The following IL21R variants were observed in gnomAD, a reference collection of about 807,000 sequenced individuals.
IL21R encodes the protein interleukin 21 receptor, also known as interleukin-21 receptor.
In IL21R, 14 loss-of-function variants were observed where a neutral mutation model predicts 41.3. The ratio of observed to expected loss-of-function variants is 0.34; its 90% CI spans 0.22 to 0.53. The LOEUF (loss-of-function observed/expected upper bound fraction) is 0.53. IL21R is among the 20% of genes least tolerant of loss of function. The pLI, the probability that IL21R is intolerant of heterozygous loss-of-function variation, is 0.94. For synonymous variants in IL21R, 286 were observed against 287.6 expected, an observed-to-expected ratio of 0.99 and a Z score of 0.05; for missense variants, 588 against 681.6, an observed-to-expected ratio of 0.86 and a Z score of 1.53.
intron 4 of IL21R, among the ~76,000 whole-genome samples, chr16:27,440,126 G>A (rs2087354012): frequency 6.6e-6 from 1 of 151,498 alleles, no homozygotes; most frequent in Non-Finnish European, 1.5e-5. Flanking sequence ...TGTCACCTCG[G>A]GGCGTGGTGG....
chr16:27,441,228 C>T (rs183465956), intron 4 of IL21R, among the ~76,000 whole-genome samples: 12 of 152,332 alleles, frequency 7.9e-5, no homozygotes, highest in Non-Finnish European at 1.6e-4. Flanking sequence ...GAAGTTACTG[C>T]CTTCTGCTAA....
At chr16:27,412,402 C>T (rs758546596) in intron 1 of IL21R, among the ~76,000 whole-genome samples, 11 of 150,748 alleles carry the variant, frequency 7.3e-5, no homozygotes, top group Admixed American at 2.6e-4. Context: ...TCTCCTTCTC[C>T]TTCTCCTTCT....
intron 3 of IL21R, among the ~76,000 whole-genome samples, chr16:27,434,772 T>C (rs1175373450): frequency 6.6e-6 from 1 of 152,062 alleles, no homozygotes; most frequent in Non-Finnish European, 1.5e-5. Context: ...TCACAATGAT[T>C]ACTCCCATTT....
In IL21R at chr16:27,446,044, C is replaced by A. The variant is rs200379224; in HGVS notation, c.823C>A (p.Arg275=). Residue 275 remains arginine, a synonymous_variant, in exon 8 of 9, where the codon CGG becomes AGG. Transcript: ENST00000337929. ...KKIWAVPSPE[R]FFMPLYKGCS... ...GATATGGGCCGTCCCCAGCCCTGAG[C>A]GGTTCTTCATGCCCCTGTACAAGGG... The A allele has an allele frequency of 6.2e-6, 10 of 1,613,688 alleles. No individual in the cohort carries two copies. Among genetic ancestry groups the A allele is most frequent in the Non-Finnish European group, 8.5e-6 (10 of 1,179,868 alleles).
chr16:27,448,524 T>C lies in IL21R; in HGVS notation c.868-10T>C. The C allele has an allele frequency of 6.3e-7, 1 of 1,581,886 alleles. No homozygotes were observed. The highest frequency in any genetic ancestry group is 8.6e-7 in the Non-Finnish European group (1 of 1,166,502). ...CCTGTGCTATGACTCTCTCTTTTTC[T>C]CTCTCACAGAAATGGGTGGGTGCAC... On this transcript the variant is annotated splice_polypyrimidine_tract_variant and intron_variant, in intron 8 of 8. Coordinates refer to ENST00000337929, the MANE Select transcript of IL21R (RefSeq NM_181078.3).
chr16:27,408,325 G>A (rs560044747), intron 1 of IL21R, among the ~76,000 whole-genome samples: 1 of 152,374 alleles, frequency 6.6e-6, no homozygotes, highest in South Asian at 2.1e-4. Context: ...CACATGCACA[G>A]GTGTGCAAGC....
At chr16:27,409,803 T>C (rs1378616363) in intron 1 of IL21R, among the ~76,000 whole-genome samples, 1 of 152,268 alleles carries the variant, frequency 6.6e-6, no homozygotes, top group Non-Finnish European at 1.5e-5. Context: ...TAAACTATTT[T>C]CAGTCCTTTG....
chr16:27,420,756 T>C (rs543126052), intron 1 of IL21R, among the ~76,000 whole-genome samples: 10 of 152,370 alleles, frequency 6.6e-5, no homozygotes, highest in Middle Eastern at 3.4e-3. Flanking sequence ...ATGCTGTATG[T>C]TATAGTTTTA....
intron 1 of IL21R, among the ~76,000 whole-genome samples, chr16:27,429,299 T>C (rs1160812897): frequency 2.0e-5 from 3 of 152,150 alleles, no homozygotes; most frequent in Non-Finnish European, 4.4e-5. Context: ...AGATCCAAAA[T>C]TGCTCCTCAG....
At chr16:27,418,029 T>C (rs1308416442) in intron 1 of IL21R, among the ~76,000 whole-genome samples, 8 of 120,900 alleles carry the variant, frequency 6.6e-5, no homozygotes, top group African/African-American at 2.4e-4. Context: ...TATTTTATTT[T>C]ATTTTATTTT....
chr16:27,424,133 G>C (rs546305640), intron 1 of IL21R, among the ~76,000 whole-genome samples: 1 of 152,122 alleles, frequency 6.6e-6, no homozygotes, highest in South Asian at 2.1e-4. Flanking sequence ...GGAGTGCAGT[G>C]GTGCAATCTC....
At chr16:27,438,555 T>C (rs1481785626) in intron 4 of IL21R, among the ~76,000 whole-genome samples, 2 of 151,760 alleles carry the variant, frequency 1.3e-5, no homozygotes, top group African/African-American at 4.8e-5. Flanking sequence ...CGAGACCTCA[T>C]CTCAAAACAC....
intron 1 of IL21R, among the ~76,000 whole-genome samples, chr16:27,420,815 A>G (rs2086988097): frequency 6.6e-6 from 1 of 152,164 alleles, no homozygotes; most frequent in South Asian, 2.1e-4. Context: ...ATTTTGATAC[A>G]GTTTAATAGA....
chr16:27,449,428 G>A lies in IL21R; in HGVS notation c.*145G>A. The A allele has an allele frequency of 1.3e-6, 1 of 775,314 alleles. No homozygotes were observed. 48.0% of individuals were successfully genotyped at this position (775,314 alleles called of 1,614,324 possible). On this transcript the variant is annotated 3_prime_UTR_variant, in exon 9 of 9. Coordinates refer to ENST00000337929, the MANE Select transcript of IL21R (RefSeq NM_181078.3). ...CCTGATGTTTACAGTGTCTGTGTGT[G>A]TGTGTGCATATGTGTGTGTGTGCAT... is the stretch of plus-strand genomic sequence containing the variant.
At chr16:27,412,866 A>AT (rs199652528) in intron 1 of IL21R, among the ~76,000 whole-genome samples, 2,566 of 152,180 alleles carry the variant, frequency 0.017, 39 homozygotes, top group Non-Finnish European at 0.025. Context: ...AGTTCTAACC[A>AT]TTTTTTTAAT....
intron 1 of IL21R, among the ~76,000 whole-genome samples, chr16:27,414,353 T>G (rs924298207): frequency 3.3e-5 from 5 of 152,100 alleles, no homozygotes; most frequent in African/African-American, 1.2e-4. Context: ...TGATTATGGT[T>G]TCTAAATGTC....
rs3917005 is a variant in IL21R at position 27,414,165 on chromosome 16, A to AGTGTGTGT, written c.-17+11565_-17+11572dup. Among the ~76,000 whole-genome samples, 1,068 of 144,266 alleles carry AGTGTGTGT rather than the reference A, an allele frequency of 7.4e-3. 10 individuals are homozygous for AGTGTGTGT. Among genetic ancestry groups the AGTGTGTGT allele is most frequent in the Admixed American group, 0.027 (383 of 14,328 alleles). 94.6% of individuals were successfully genotyped at this position (144,266 alleles called of 152,430 possible). A position where few individuals can be genotyped will look rare whatever the true frequency, so the allele number is the denominator to read the frequency against. ...ATTAAGGATAATGTTAGCTATGTAT[A>AGTGTGTGT]GTGTGTGTGTGTGTGTGTGTGTGTG... is the stretch of plus-strand genomic sequence containing the variant. On this transcript the variant is annotated intron_variant, in intron 1 of 8. Coordinates refer to ENST00000337929, the MANE Select transcript of IL21R (RefSeq NM_181078.3).
At position 27,434,366 on chromosome 16, in the gene IL21R, C is replaced by T. The variant is rs202066831; in HGVS notation, c.69C>T (p.Leu23=). 17 of 1,613,644 alleles carry T rather than the reference C, an allele frequency of 1.1e-5. No homozygotes were observed. The highest frequency in any genetic ancestry group is 5.0e-5 in the Admixed American group (3 of 59,996). Residue 23 remains leucine, a synonymous_variant, in exon 3 of 9, where the codon CTC becomes CTT. Transcript: ENST00000337929. Reference sequence around the variant, plus strand: ...CTCCAGGCTGGGGCTGCCCCGACCTCGTCTGCTACACCGATTACCTCCAGA... The same window carrying T: ...CTCCAGGCTGGGGCTGCCCCGACCTTGTCTGCTACACCGATTACCTCCAGA... ...LLQGGWGCPD[L]VCYTDYLQTV...
Position 27,418,350 on chromosome 16 carries a change from A to G in IL21R, c.-16-11706A>G, listed in dbSNP as rs557850901. ...TCCAAAGCGCTGGGATTACAGGCGT[A>G]AGCTACCGCGCCCGGCCCTATTTTA... On this transcript the variant is annotated intron_variant, in intron 1 of 8. Coordinates refer to ENST00000337929, the MANE Select transcript of IL21R (RefSeq NM_181078.3). Among the ~76,000 whole-genome samples the G allele has an allele frequency of 5.3e-4, 78 of 147,040 alleles. No individual in the cohort carries two copies. The East Asian group carries it at 5.8e-3, about 11-fold the overall frequency.
Sources: gnomAD v4.1 joint callset for allele counts (sites outside exome capture counted in the v4.1 genomes callset) on GRCh38, gnomAD v4.1.1 for gene constraint, MANE v1.5 for transcripts, NCBI Gene and HGNC (gene_info 2026-07-23, HGNC 2026-07-21) for gene names.